EIF4G2: variants seen among roughly 807,000 people sequenced by gnomAD.
EIF4G2 encodes eukaryotic translation initiation factor 4 gamma 2.
EIF4G2 carries 8 observed loss-of-function variants against 117.7 expected under a neutral mutation model. That is an observed-to-expected ratio of 0.07 (90% CI 0.04 to 0.12). The LOEUF (loss-of-function observed/expected upper bound fraction) is 0.12, where lower values mean the gene tolerates loss of function less well. Among genes scored for constraint, EIF4G2 ranks in the 10% least tolerant of loss-of-function variants. EIF4G2 has a pLI of 1.00. For synonymous variants in EIF4G2, 413 were observed against 367.8 expected (o/e 1.12, Z -1.41); for missense variants, 812 against 1,086.2 (o/e 0.75, Z 3.55).
Position 10,806,066 on chromosome 11 carries a change from C to T in EIF4G2, c.108-19G>A. 1 of 1,613,816 alleles carries T rather than the reference C, an allele frequency of 6.2e-7. No individual in the cohort carries two copies. The highest frequency in any genetic ancestry group is 8.5e-7 in the Non-Finnish European group (1 of 1,179,870). On this transcript the variant is annotated intron_variant, in intron 3 of 21. Transcript: ENST00000339995. ...GAACTCGCTGATTAATAAAAATCAG[C>T]AAAAACACTTATTGTCACACACCAA... is the stretch of plus-strand genomic sequence containing the variant.
Position 10,808,900 on chromosome 11 carries a change from T to G in EIF4G2, c.-282A>C, listed in dbSNP as rs1240729666. 2 of 155,884 alleles carry G rather than the reference T, an allele frequency of 1.3e-5. No homozygotes were observed. The highest frequency in any genetic ancestry group is 4.8e-5 in the African/African-American group (2 of 41,442). 9.7% of individuals were successfully genotyped at this position (155,884 alleles called of 1,614,324 possible). A position where few individuals can be genotyped will look rare whatever the true frequency, so the allele number is the denominator to read the frequency against. ...CCGCCACTCGGTACCCGCTGCCACC[T>G]CCATAGAGCTCCGACTCACTGCTGG... On this transcript the variant is annotated 5_prime_UTR_variant, in exon 1 of 22. Coordinates refer to ENST00000339995, the MANE Select transcript of EIF4G2 (RefSeq NM_001418.4).
In EIF4G2 at chr11:10,803,684, C is replaced by G. The variant is rs1847487844; in HGVS notation, c.703-94G>C. 2 of 1,219,082 alleles carry G rather than the reference C, an allele frequency of 1.6e-6. No individual in the cohort carries two copies. The highest frequency in any genetic ancestry group is 1.5e-5 in the African/African-American group (1 of 66,832). 75.5% of individuals were successfully genotyped at this position (1,219,082 alleles called of 1,614,324 possible). A position where few individuals can be genotyped will look rare whatever the true frequency, so the allele number is the denominator to read the frequency against. The stretch of plus-strand genomic sequence containing the variant: ...CTTTATGTTTGCACTGACTCATTCA[C>G]AGTTCCTACAGAATCTAGTATAGGG... On this transcript the variant is annotated intron_variant, in intron 8 of 21. Coordinates refer to ENST00000339995, the MANE Select transcript of EIF4G2 (RefSeq NM_001418.4). The surrounding 1 kb of genome is among the most constrained non-coding windows in gnomAD (Gnocchi z 4.0).
chr11:10,808,240 C>G (rs1277461395), intron 1 of EIF4G2: 2 of 1,149,584 alleles, frequency 1.7e-6, no homozygotes, highest in Non-Finnish European at 2.2e-6. Context: ...TCCTCCCCGA[C>G]GAAGGGCAGC....
Position 10,806,776 on chromosome 11 carries a change from ATC to A in EIF4G2, c.107+42_107+43del, listed in dbSNP as rs753766095. ...TACCGTCACATGGGAAAGACTTTTA[ATC>A]TGTTAAATAAAGCTCACTGTTTTTT... On this transcript the variant is annotated intron_variant, in intron 3 of 21. Transcript: ENST00000339995. 6.9e-6 allele frequency: 11 copies of A among 1,600,730 alleles called. No homozygotes were observed. The East Asian group carries it at 2.2e-4, about 32-fold the overall frequency.
At chr11:10,802,549 T>C (rs1683064406) in intron 11 of EIF4G2, 114 bp from the exon 12 acceptor site, 3 of 1,352,180 alleles carry the variant, frequency 2.2e-6, no homozygotes, top group Admixed American at 2.6e-5. Context: ...ATTTATGTTA[T>C]TTCTGTAAAT....
In EIF4G2 at chr11:10,806,896, G is replaced by GA. The variant is rs777244567; in HGVS notation, c.42-12dup. The GA allele has an allele frequency of 1.6e-5, 26 of 1,613,164 alleles. No homozygotes were observed. The South Asian group carries it at 2.5e-4, about 16-fold the overall frequency. Reference sequence around the variant, plus strand: ...CCGCCCGAAGAAGCACTATTTAAAAGAAAAAAATTGTTTACTGTATCCCAA... The same window carrying GA: ...CCGCCCGAAGAAGCACTATTTAAAAGAAAAAAAATTGTTTACTGTATCCCAA... On this transcript the variant is annotated splice_polypyrimidine_tract_variant and intron_variant, in intron 2 of 21. Coordinates refer to ENST00000339995, the MANE Select transcript of EIF4G2 (RefSeq NM_001418.4).
At position 10,800,050 on chromosome 11, in the gene EIF4G2, A is replaced by T. The variant is rs143019826; in HGVS notation, c.2119+40T>A. ...AAGGTACCTGAAATCTCTAGATATA[A>T]TATTAAAAAAACAAAACAAACAAGT... On this transcript the variant is annotated intron_variant, in intron 18 of 21. Transcript: ENST00000339995. 4.0e-5 allele frequency: 63 copies of T among 1,592,378 alleles called. No individual in the cohort carries two copies. The East Asian group carries it at 1.3e-3, about 33-fold the overall frequency.
chr11:10,806,444 T>A, intron 3 of EIF4G2: 1 of 322,154 alleles, frequency 3.1e-6, no homozygotes, highest in Non-Finnish European at 5.8e-6. Context: ...CCCAAAGTTG[T>A]TGTTGGGATT....
In EIF4G2 at chr11:10,800,190, G is replaced by T. The variant is rs1847378383; in HGVS notation, c.2019C>A (p.Leu673=). 6 of 1,614,192 alleles carry T rather than the reference G, an allele frequency of 3.7e-6. No individual in the cohort carries two copies. Among genetic ancestry groups the T allele is most frequent in the Non-Finnish European group, 5.1e-6 (6 of 1,180,030 alleles). The change falls in exon 18 of 22, where the codon CTC becomes CTA. Residue 673 remains leucine (L), a synonymous_variant. Coordinates refer to ENST00000339995, the MANE Select transcript of EIF4G2 (RefSeq NM_001418.4). ...CTAACTGCTGAAGACAAAGTAGGAA[G>T]AGAGGAAAATGGGTGCCACTTTCTA...
chr11:10,805,857 C>CTTTTAGTAA (rs749817167), intron 4 of EIF4G2, 50 bp downstream of exon 4: 103 of 1,613,196 alleles, frequency 6.4e-5, no homozygotes, highest in Admixed American at 8.3e-5. Flanking sequence ...ACACCAAACA[C>CTTTTAGTAA]AGCTAATCCA....
At position 10,808,079 on chromosome 11, in the gene EIF4G2, C is replaced by T. The variant is rs527815285; in HGVS notation, c.-87+626G>A. 67 of 1,056,706 alleles carry T rather than the reference C, an allele frequency of 6.3e-5. No homozygotes were observed. The African/African-American group carries it at 1.1e-3, about 18-fold the overall frequency. The allele number at this position is 1,056,706 out of a possible 1,614,324, so 65.5% of individuals were successfully genotyped here. A position where few individuals can be genotyped will look rare whatever the true frequency, so the allele number is the denominator to read the frequency against. ...CCACCCCCGCCAGCCCGGCGCCCAG[C>T]TCTTTGTTCTCCAAGCAGGAAGGCG... On this transcript the variant is annotated intron_variant, in intron 1 of 21. Transcript: ENST00000339995.
chr11:10,807,056 C>A (rs1847597010), intron 2 of EIF4G2, 171 bp from the exon 3 acceptor site: 1 of 1,129,324 alleles, frequency 8.9e-7, no homozygotes, highest in South Asian at 1.5e-5. Context: ...CAAATGAAGA[C>A]TGAACTCGGA....
At chr11:10,808,157 C>T (rs911037457) in intron 1 of EIF4G2, 3 of 1,100,894 alleles carry the variant, frequency 2.7e-6, no homozygotes, top group African/African-American at 1.7e-5. Flanking sequence ...ACCATAAATC[C>T]CCCCGGGACT....
intron 14 of EIF4G2, 113 bp downstream of exon 14, chr11:10,801,548 A>C (rs1325634742): frequency 1.0e-6 from 1 of 970,312 alleles, no homozygotes; most frequent in Non-Finnish European, 1.7e-6. Context: ...AGAGAGAAAA[A>C]CGTCAAGAAC....
At chr11:10,808,006 A>C (rs763889385) in intron 1 of EIF4G2, 66 of 1,043,894 alleles carry the variant, frequency 6.3e-5, no homozygotes, top group Non-Finnish European at 7.5e-5. Flanking sequence ...TGCTTCCGAC[A>C]ACCTCCCCGC....
rs1847346543 is a variant in EIF4G2, at chr11:10,799,130, A to AAG, written c.2537-18_2537-17insCT. 7 of 1,576,986 alleles carry AAG rather than the reference A, an allele frequency of 4.4e-6. No homozygotes were observed. In the East Asian group the frequency reaches 1.1e-4, roughly 25 times the overall value. ...GTAACATGCCTTAAAAAAAAAAAAA[A>AAG]AAAGAAAAAAGTAATAAGCCCATTA... On this transcript the variant is annotated splice_polypyrimidine_tract_variant and intron_variant, in intron 20 of 21. Transcript: ENST00000339995.
At chr11:10,805,843 A>G in intron 4 of EIF4G2, 64 bp downstream of exon 4, 1 of 1,609,404 alleles carries the variant, frequency 6.2e-7, no homozygotes, top group South Asian at 1.1e-5. Flanking sequence ...GTAATACAGC[A>G]CACACACCAA....
rs1847518712 is a variant in EIF4G2 at position 10,804,854 on chromosome 11, C to T, written c.351+59G>A. 5.6e-6 allele frequency: 8 copies of T among 1,432,854 alleles called. No individual in the cohort carries two copies. The South Asian group carries it at 6.9e-5, about 12-fold the overall frequency. 88.8% of individuals were successfully genotyped at this position (1,432,854 alleles called of 1,614,324 possible). A position where few individuals can be genotyped will look rare whatever the true frequency, so the allele number is the denominator to read the frequency against. ...GTAATCCAAGTGTAAAAAAACACAA[C>T]TTGAGTTTGTTAAACAGTTCCCTCT... On this transcript the variant is annotated intron_variant, in intron 5 of 21. Coordinates refer to ENST00000339995, the MANE Select transcript of EIF4G2 (RefSeq NM_001418.4).
chr11:10,808,011 C>T (rs958341962), intron 1 of EIF4G2: 42 of 1,033,902 alleles, frequency 4.1e-5, no homozygotes, highest in Non-Finnish European at 4.9e-5. Flanking sequence ...CCGACAACCT[C>T]CCCGCGAGGC....
Sources: gnomAD v4.1 joint callset for allele counts on GRCh38, gnomAD v4.1.1 for gene constraint, Gnocchi (gnomAD v3.1) non-coding constraint, MANE v1.5 for transcripts, NCBI Gene and HGNC (gene_info 2026-07-23, HGNC 2026-07-21) for gene names.